The following KCND3 variants were observed in gnomAD, a reference collection of about 807,000 sequenced individuals.
KCND3 encodes potassium voltage-gated channel subfamily D member 3.
In KCND3, 9 loss-of-function variants were observed where a neutral mutation model predicts 51.1. The ratio of observed to expected loss-of-function variants is 0.18; its 90% CI spans 0.11 to 0.31. KCND3 has a LOEUF of 0.31. Among genes scored for constraint, KCND3 ranks in the 10% least tolerant of loss-of-function variants. KCND3 has a pLI of 1.00. For synonymous variants in KCND3, 349 were observed against 368.0 expected, an observed-to-expected ratio of 0.95 and a Z score of 0.59; for missense variants, 526 against 903.8, an observed-to-expected ratio of 0.58 and a Z score of 5.36.
intron 2 of KCND3, among the ~76,000 whole-genome samples, chr1:111,964,621 C>T (rs188188789): frequency 6.6e-5 from 10 of 152,346 alleles, no homozygotes; most frequent in Admixed American, 4.6e-4. Flanking sequence ...GCAGCACTAA[C>T]TCAGAGGGGC....
chr1:111,847,368 T>G (rs1667601473), intron 2 of KCND3, among the ~76,000 whole-genome samples: 1 of 152,038 alleles, frequency 6.6e-6, no homozygotes, highest in Admixed American at 6.5e-5. Context: ...GTGTGTGTGT[T>G]TTGCTGCAAC....
intron 2 of KCND3, among the ~76,000 whole-genome samples, chr1:111,868,397 C>G (rs1262541137): frequency 6.6e-6 from 1 of 151,752 alleles, no homozygotes; most frequent in Non-Finnish European, 1.5e-5. Context: ...AATAAAGGCC[C>G]CAAAACACCC....
At chr1:111,898,783 G>A (rs1670247783) in intron 2 of KCND3, among the ~76,000 whole-genome samples, 1 of 152,134 alleles carries the variant, frequency 6.6e-6, no homozygotes, top group African/African-American at 2.4e-5. Flanking sequence ...CTTCCACTGA[G>A]GCTAAGAGGG....
At chr1:111,869,551 A>T (rs903611646) in intron 2 of KCND3, among the ~76,000 whole-genome samples, 1 of 152,170 alleles carries the variant, frequency 6.6e-6, no homozygotes, top group Non-Finnish European at 1.5e-5. Flanking sequence ...TCAAAGCTCC[A>T]AGCCACCCAT....
At position 111,968,368 on chromosome 1, in the gene KCND3, G is replaced by GA. The variant is rs201293257; in HGVS notation, c.1106+13252dup. Among the ~76,000 whole-genome samples the GA allele has an allele frequency of 3.0e-3, 445 of 150,564 alleles. 5 individuals carry two copies. Among genetic ancestry groups the GA allele is most frequent in the African/African-American group, 9.8e-3 (404 of 41,054 alleles). ...ATGGGCCACAGAAGAAGGGAAAAAA[G>GA]AAAAAAAAATCTAGGGTCACATAAG... On this transcript the variant is annotated intron_variant, in intron 2 of 7. Transcript: ENST00000302127.
chr1:111,799,298 A>T (rs2101539837), intron 2 of KCND3, among the ~76,000 whole-genome samples: 1 of 152,354 alleles, frequency 6.6e-6, no homozygotes, highest in African/African-American at 2.4e-5. Context: ...ACTAGAATTG[A>T]TAGATACGGA....
chr1:111,963,896 C>T (rs1376823372), intron 2 of KCND3, among the ~76,000 whole-genome samples: 1 of 152,210 alleles, frequency 6.6e-6, no homozygotes, highest in Non-Finnish European at 1.5e-5. Flanking sequence ...GGGCTTCCTG[C>T]CTAAGCAAAA....
chr1:111,783,692 A>T (rs897526382), intron 3 of KCND3, among the ~76,000 whole-genome samples: 1 of 152,200 alleles, frequency 6.6e-6, no homozygotes, highest in African/African-American at 2.4e-5. Flanking sequence ...ATTAAAACTT[A>T]TGCTCACATA....
chr1:111,812,542 C>T (rs1222807947), intron 2 of KCND3, among the ~76,000 whole-genome samples: 5 of 152,200 alleles, frequency 3.3e-5, no homozygotes, highest in Non-Finnish European at 7.3e-5. Flanking sequence ...TTACTGCATG[C>T]CAAGCACCGT....
intron 2 of KCND3, among the ~76,000 whole-genome samples, chr1:111,817,199 A>AAAAG (rs397949207): frequency 8.6e-5 from 13 of 151,604 alleles, no homozygotes; most frequent in African/African-American, 3.2e-4. Flanking sequence ...AAAAAAAAAA[A>AAAAG]TGAAGTGGGG....
chr1:111,884,184 C>T (rs1669464618), intron 2 of KCND3, among the ~76,000 whole-genome samples: 1 of 152,144 alleles, frequency 6.6e-6, no homozygotes, highest in Admixed American at 6.5e-5. Context: ...CCTTGGGGAT[C>T]CTGGGGCTCT....
intron 2 of KCND3, among the ~76,000 whole-genome samples, chr1:111,835,349 A>G (rs1190193431): frequency 2.6e-5 from 4 of 152,222 alleles, no homozygotes; most frequent in African/African-American, 4.8e-5. Context: ...ATCCAGATCC[A>G]TCTGTCAGAG....
At chr1:111,831,051 C>T (rs918195724) in intron 2 of KCND3, among the ~76,000 whole-genome samples, 3 of 152,348 alleles carry the variant, frequency 2.0e-5, no homozygotes, top group Non-Finnish European at 2.9e-5. Context: ...GGGTGGATGC[C>T]TCAGGCAGCA....
intron 2 of KCND3, among the ~76,000 whole-genome samples, chr1:111,814,811 G>A (rs1293665603): frequency 6.6e-6 from 1 of 152,170 alleles, no homozygotes; most frequent in African/African-American, 2.4e-5. Flanking sequence ...CCATCCCGAC[G>A]GCTATCTCCA....
chr1:111,872,997 T>C (rs1461956417), intron 2 of KCND3, among the ~76,000 whole-genome samples: 2 of 152,234 alleles, frequency 1.3e-5, no homozygotes, highest in African/African-American at 2.4e-5. Context: ...TGGATTTTAT[T>C]TTTGCCTCTG....
chr1:111,969,977 CT>C (rs1190370306), intron 2 of KCND3, among the ~76,000 whole-genome samples: 1 of 152,068 alleles, frequency 6.6e-6, no homozygotes, highest in Non-Finnish European at 1.5e-5. Flanking sequence ...AGCTTTCTCT[CT>C]TTTTTTCATA....
chr1:111,894,979 G>A (rs1670027066), intron 2 of KCND3, among the ~76,000 whole-genome samples: 1 of 151,458 alleles, frequency 6.6e-6, no homozygotes, highest in South Asian at 2.1e-4. Flanking sequence ...GAGGGGAAAA[G>A]AGGGAAGGGA....
intron 2 of KCND3, among the ~76,000 whole-genome samples, chr1:111,942,517 C>T (rs1167976794): frequency 6.6e-6 from 1 of 152,194 alleles, no homozygotes; most frequent in African/African-American, 2.4e-5. Context: ...CCAGTGGGGA[C>T]AAAAGTCAAA....
intron 2 of KCND3, among the ~76,000 whole-genome samples, chr1:111,811,308 C>T (rs1057142618): frequency 6.6e-6 from 1 of 152,078 alleles, no homozygotes; most frequent in African/African-American, 2.4e-5. Flanking sequence ...GTCTCTGTGT[C>T]CTGTGTTATG....
Sources: gnomAD v4.1 joint callset for allele counts (sites outside exome capture counted in the v4.1 genomes callset) on GRCh38, gnomAD v4.1.1 for gene constraint, MANE v1.5 for transcripts, NCBI Gene and HGNC (gene_info 2026-07-23, HGNC 2026-07-21) for gene names.